BTBD8: variants seen among roughly 807,000 people sequenced by gnomAD.
BTBD8 encodes BTB/POZ domain-containing protein 8.
Under a neutral mutation model 162.9 loss-of-function variants are expected in BTBD8, and 110 were observed. The ratio of observed to expected loss-of-function variants is 0.68; its 90% CI spans 0.58 to 0.79. The LOEUF (loss-of-function observed/expected upper bound fraction) is 0.79. Among genes scored for constraint, BTBD8 ranks in the 30% least tolerant of loss-of-function variants. The pLI is 0.00. For synonymous variants in BTBD8, 667 were observed against 716.1 expected (o/e 0.93, Z 1.10); for missense variants, 1,905 against 2,085.4 (o/e 0.91, Z 1.68).
At chr1:92,141,468 C>T (rs1039310057) in intron 7 of BTBD8, among the ~76,000 whole-genome samples, 9 of 152,084 alleles carry the variant, frequency 5.9e-5, no homozygotes, top group African/African-American at 2.2e-4. Context: ...TTCAAAGGTG[C>T]TCAGAGTTTG....
At chr1:92,109,915 A>G (rs1648846151) in intron 4 of BTBD8, among the ~76,000 whole-genome samples, 1 of 152,242 alleles carries the variant, frequency 6.6e-6, no homozygotes, top group African/African-American at 2.4e-5. Flanking sequence ...TAAAAGATCA[A>G]TACAAGTACT....
intron 9 of BTBD8, chr1:92,150,734 A>T (rs1475349647): frequency 6.6e-6 from 1 of 152,196 alleles, no homozygotes; most frequent in African/African-American, 2.4e-5. Flanking sequence ...CATTGTAGAG[A>T]TGCCAGTTCA....
At chr1:92,174,863 T>C (rs566696915) in intron 13 of BTBD8, among the ~76,000 whole-genome samples, 95 of 152,348 alleles carry the variant, frequency 6.2e-4, no homozygotes, top group African/African-American at 2.2e-3. Context: ...TTTCCTTTTT[T>C]CTAAATTTAA....
At chr1:92,092,098 G>A (rs1369500710) in intron 2 of BTBD8, among the ~76,000 whole-genome samples, 2 of 152,084 alleles carry the variant, frequency 1.3e-5, no homozygotes, top group Non-Finnish European at 2.9e-5. Context: ...ATAAGGATTA[G>A]TGCCTGTATA....
At chr1:92,117,674 A>G (rs934937433) in intron 4 of BTBD8, among the ~76,000 whole-genome samples, 7 of 151,998 alleles carry the variant, frequency 4.6e-5, no homozygotes, top group African/African-American at 1.5e-4. Context: ...GCAGTTCTTC[A>G]TGACTCCCTC....
intron 4 of BTBD8, among the ~76,000 whole-genome samples, chr1:92,112,169 G>A (rs1228350540): frequency 6.6e-6 from 1 of 152,120 alleles, no homozygotes; most frequent in Admixed American, 6.5e-5. Context: ...CAGCACTCTG[G>A]GAGGCTGAGA....
At chr1:92,159,426 C>T (rs1650236795) in intron 9 of BTBD8, among the ~76,000 whole-genome samples, 1 of 151,992 alleles carries the variant, frequency 6.6e-6, no homozygotes, top group African/African-American at 2.4e-5. Flanking sequence ...ATCTTCCCAC[C>T]TTAGCCTCCC....
intron 2 of BTBD8, among the ~76,000 whole-genome samples, chr1:92,099,596 A>G (rs934309269): frequency 6.6e-6 from 1 of 152,146 alleles, no homozygotes. Flanking sequence ...TGAGTGTCTT[A>G]TACTTCTTTT....
rs3040583 is a variant in BTBD8, at chr1:92,118,282, C to CTT, written c.662+10300_662+10301dup. ...TGGCTGTAACAGTTTTTCAGACTTT[C>CTT]TTTTTTTTTTTTTTTTTTTTGATGA... On this transcript the variant is annotated intron_variant, in intron 4 of 17. Transcript: ENST00000636805. Among the ~76,000 whole-genome samples the CTT allele has an allele frequency of 7.3e-3, 889 of 122,252 alleles. 14 individuals are homozygous for CTT. The highest frequency in any genetic ancestry group is 0.026 in the African/African-American group (831 of 32,370). 80.2% of individuals were successfully genotyped at this position (122,252 alleles called of 152,430 possible). A position where few individuals can be genotyped will look rare whatever the true frequency, so the allele number is the denominator to read the frequency against.
chr1:92,130,563 CACACAT>C (rs757620683), intron 5 of BTBD8, among the ~76,000 whole-genome samples: 410 of 147,602 alleles, frequency 2.8e-3, no homozygotes, highest in Non-Finnish European at 4.5e-3. Flanking sequence ...CACACACACA[CACACAT>C]ATACGCACAC....
chr1:92,120,428 A>G (rs1229399696), intron 4 of BTBD8, among the ~76,000 whole-genome samples: 2 of 152,104 alleles, frequency 1.3e-5, no homozygotes, highest in African/African-American at 4.8e-5. Context: ...GCCTGAGGCT[A>G]TTTAACAGTT....
At chr1:92,156,421 T>C (rs537662309) in intron 9 of BTBD8, among the ~76,000 whole-genome samples, 42 of 152,148 alleles carry the variant, frequency 2.8e-4, no homozygotes, top group Non-Finnish European at 5.6e-4. Flanking sequence ...GGTGTCAGAG[T>C]AGTGCTGGCC....
intron 4 of BTBD8, among the ~76,000 whole-genome samples, chr1:92,109,739 T>C (rs977591026): frequency 6.6e-6 from 1 of 152,200 alleles, no homozygotes; most frequent in Non-Finnish European, 1.5e-5. Context: ...TAAGGAATAT[T>C]GTGTCAGTAG....
chr1:92,112,846 T>C (rs1190343481), intron 4 of BTBD8, among the ~76,000 whole-genome samples: 1 of 152,222 alleles, frequency 6.6e-6, no homozygotes, highest in Non-Finnish European at 1.5e-5. Flanking sequence ...TACTCAGTTA[T>C]GTGGAATTAA....
chr1:92,178,973 C>T lies in BTBD8; in HGVS notation c.2581+522C>T, dbSNP rs148369051. Among the ~76,000 whole-genome samples, 540 of 152,196 alleles carry T rather than the reference C, an allele frequency of 3.5e-3. 3 individuals are homozygous for T. The highest frequency in any genetic ancestry group is 0.012 in the African/African-American group (506 of 41,546). ...AAAAAGTAATAGTGCAGGCTAGGCG[C>T]GGTGGCTCACGCCTGTAATCCAAGC... On this transcript the variant is annotated intron_variant, in intron 16 of 17. Coordinates refer to ENST00000636805, the MANE Select transcript of BTBD8 (RefSeq NM_001376131.1).
rs201895821 is a variant in BTBD8 at position 92,080,549 on chromosome 1, A to G, written c.-23A>G. 115 of 1,612,092 alleles carry G rather than the reference A, an allele frequency of 7.1e-5. No homozygotes were observed. In the East Asian group the frequency reaches 2.2e-3, roughly 31 times the overall value. On this transcript the variant is annotated 5_prime_UTR_variant, in exon 1 of 18. Transcript: ENST00000636805. ...AAGTGAGGCCAAGTACTGGGCCTCC[A>G]GGGCGTCGTACCTCTGTGAGACATG...
chr1:92,177,010 A>G lies in BTBD8; in HGVS notation c.1817A>G (p.Asp606Gly), dbSNP rs967259602. 4 of 1,548,178 alleles carry G rather than the reference A, an allele frequency of 2.6e-6. No individual in the cohort carries two copies. The highest frequency in any genetic ancestry group is 3.5e-6 in the Non-Finnish European group (4 of 1,145,804). The change falls in exon 14 of 18, where the codon GAT (aspartate) becomes GGT (glycine). Residue 606 changes from aspartate to glycine, a missense_variant. By Grantham distance (94) the Asp-to-Gly change is moderately conservative. Around this residue, in one of 3 missense-constraint regions of BTBD8, gnomAD observed 1,374 missense variants for 1,442.7 expected, o/e 0.95. Coordinates refer to ENST00000636805, the MANE Select transcript of BTBD8 (RefSeq NM_001376131.1). The part of the protein sequence containing the change: ...NSINKTLKQD[D>G]VKEKDGTKIA... ...ATAAATAAAACTCTGAAGCAAGATG[A>G]TGTAAAGGAAAAAGATGGTACAAAA...
In BTBD8 at chr1:92,180,967, C is replaced by T. The variant is rs267598768; in HGVS notation, c.3284C>T (p.Ser1095Leu). ...YSTTALKYMV[S>L]NPNENSLNSN... ...ACCACAGCCCTAAAATACATGGTTT[C>T]AAATCCAAATGAAAACTCCTTGAAC... The change falls in exon 17 of 18, where the codon TCA becomes TTA. Residue 1095 changes from serine (S) to leucine (L), a missense_variant. Around this residue, in one of 3 missense-constraint regions of BTBD8, gnomAD observed 1,374 missense variants for 1,442.7 expected, o/e 0.95. Coordinates refer to ENST00000636805, the MANE Select transcript of BTBD8 (RefSeq NM_001376131.1). 94 of 1,551,532 alleles carry T rather than the reference C, an allele frequency of 6.1e-5. No homozygotes were observed. Among genetic ancestry groups the T allele is most frequent in the Non-Finnish European group, 8.2e-5 (94 of 1,146,996 alleles).
intron 9 of BTBD8, 197 bp downstream of exon 9, chr1:92,147,983 A>G: frequency 1.8e-6 from 1 of 569,294 alleles, no homozygotes; most frequent in Non-Finnish European, 3.1e-6. Context: ...TCAGGGTTGA[A>G]ACAGAGAAGC....
Sources: gnomAD v4.1 joint callset for allele counts (sites outside exome capture counted in the v4.1 genomes callset) on GRCh38, gnomAD v4.1.1 for gene constraint, gnomAD v4.1.1 regional missense constraint, MANE v1.5 for transcripts, NCBI Gene and HGNC (gene_info 2026-07-23, HGNC 2026-07-21) for gene names.